The following NCOA6 variants were observed in gnomAD, a reference collection of about 807,000 sequenced individuals.
NCOA6 encodes NRC RAP250.
Under a neutral mutation model 171.4 loss-of-function variants are expected in NCOA6, and 49 were observed. The observed-to-expected ratio is 0.29, with a 90% CI of 0.23 to 0.36. NCOA6 has a LOEUF of 0.36. NCOA6 is among the 10% of genes least tolerant of loss of function. The pLI is 1.00. For synonymous variants in NCOA6, 910 were observed against 927.5 expected (o/e 0.98, Z 0.34); for missense variants, 2,248 against 2,554.5 (o/e 0.88, Z 2.59).
At chr20:34,785,463 A>C (rs1041459963) in intron 2 of NCOA6, among the ~76,000 whole-genome samples, 1 of 151,804 alleles carries the variant, frequency 6.6e-6, no homozygotes, top group East Asian at 1.9e-4. Flanking sequence ...AAAAAAAGAT[A>C]CAACAGCAGT....
chr20:34,753,655 G>A (rs770313205), intron 8 of NCOA6, among the ~76,000 whole-genome samples: 8 of 151,550 alleles, frequency 5.3e-5, no homozygotes, highest in African/African-American at 7.3e-5. Context: ...GCAAGACTCC[G>A]TCTCAAAAAA....
In NCOA6 at chr20:34,758,102, C is replaced by A; in HGVS notation, c.646G>T (p.Ala216Ser). ...AGCCCAGAGAGGAGTGGATCCATTG[C>A]ATCTGTTTAAAGATAGTCAACAAAG... ...RTPRPASQSDAMDPLLSGLHI... is the reference protein window; with the variant it reads ...RTPRPASQSDSMDPLLSGLHI... The change falls in exon 7 of 15, where the codon GCA (alanine) becomes TCA (serine). Residue 216 changes from alanine to serine, a missense_variant and splice_region_variant. Transcript: ENST00000359003. 1 of 1,605,724 alleles carries A rather than the reference C, an allele frequency of 6.2e-7. No homozygotes were observed. The highest frequency in any genetic ancestry group is 8.5e-7 in the Non-Finnish European group (1 of 1,174,498).
chr20:34,816,957 C>T (rs1207062273), intron 1 of NCOA6, among the ~76,000 whole-genome samples: 1 of 151,454 alleles, frequency 6.6e-6, no homozygotes, highest in Non-Finnish European at 1.5e-5. Context: ...CCCATCTCTA[C>T]TAAAACTACA....
intron 1 of NCOA6, among the ~76,000 whole-genome samples, chr20:34,809,051 G>GA (rs2078563857): frequency 6.6e-6 from 1 of 152,132 alleles, no homozygotes; most frequent in African/African-American, 2.4e-5. Context: ...TATGAATTCT[G>GA]AAAATATCAG....
chr20:34,790,142 T>C (rs1016988908), intron 2 of NCOA6, among the ~76,000 whole-genome samples: 2 of 150,230 alleles, frequency 1.3e-5, no homozygotes, highest in South Asian at 2.1e-4. Context: ...TTATTCACAA[T>C]AGCCAAAAAC....
intron 1 of NCOA6, among the ~76,000 whole-genome samples, chr20:34,807,347 G>T (rs765189736): frequency 4.6e-5 from 7 of 152,116 alleles, no homozygotes; most frequent in Non-Finnish European, 1.0e-4. Flanking sequence ...ACTACCTCCT[G>T]TGAGAGACCC....
intron 1 of NCOA6, among the ~76,000 whole-genome samples, chr20:34,807,064 G>A (rs2078476473): frequency 6.6e-6 from 1 of 152,126 alleles, no homozygotes; most frequent in African/African-American, 2.4e-5. Context: ...ACGGACTATG[G>A]AAAATGTGAT....
chr20:34,771,324 G>A (rs1209980324), intron 4 of NCOA6, among the ~76,000 whole-genome samples: 4 of 151,980 alleles, frequency 2.6e-5, no homozygotes, highest in East Asian at 3.9e-4. Flanking sequence ...TGTAGAGACA[G>A]GGTATCACTA....
In NCOA6 at chr20:34,758,041, A is replaced by G. The variant is rs768699976; in HGVS notation, c.707T>C (p.Leu236Ser). The G allele has an allele frequency of 1.2e-6, 2 of 1,614,104 alleles. No homozygotes were observed. Among genetic ancestry groups the G allele is most frequent in the East Asian group, 2.2e-5 (1 of 44,884 alleles). ...CTGCATTGGGTGATGTGGGGGAGCT[A>G]AAGATCCTGAGGGATGACTTTGCTG... ...IQQQSHPSGS[L>S]APPHHPMQPV... The change falls in exon 7 of 15, where the codon TTA (leucine) becomes TCA (serine). Residue 236 changes from leucine (L) to serine (S), a missense_variant. This residue lies in a region of NCOA6 where 987 missense variants were observed against 1,104.7 expected (regional missense o/e 0.89). Coordinates refer to ENST00000359003, the MANE Select transcript of NCOA6 (RefSeq NM_014071.5).
intron 14 of NCOA6, among the ~76,000 whole-genome samples, chr20:34,720,603 C>T (rs2146928872): frequency 6.6e-6 from 1 of 152,322 alleles, no homozygotes; most frequent in Middle Eastern, 3.4e-3. Context: ...TCATGAAAAA[C>T]ACAGAATGTC....
At position 34,743,335 on chromosome 20, in the gene NCOA6, G is replaced by A; in HGVS notation, c.2921C>T (p.Pro974Leu). ...TGGCCTCTGTTCAACTGGTTGAGAAGGATAACCTAAAACAAGCCCCCCAAA... is the reference window on the plus strand; with the variant it reads ...TGGCCTCTGTTCAACTGGTTGAGAAAGATAACCTAAAACAAGCCCCCCAAA... Reference protein sequence around the residue: ...PEFSNRPPGYPSQPVEQRPLQ... With the variant: ...PEFSNRPPGYLSQPVEQRPLQ... Residue 974 changes from proline (P) to leucine (L), a missense_variant, in exon 11 of 15, where the codon CCT becomes CTT. Physicochemically the swap from Pro to Leu is moderately conservative, Grantham distance 98. This residue lies in a region of NCOA6 where 352 missense variants were observed against 419.1 expected (regional missense o/e 0.84). Coordinates refer to ENST00000359003, the MANE Select transcript of NCOA6 (RefSeq NM_014071.5). 6.3e-7 allele frequency: 1 copy of A among 1,597,940 alleles called. No homozygotes were observed. The highest frequency in any genetic ancestry group is 8.6e-7 in the Non-Finnish European group (1 of 1,169,136).
intron 7 of NCOA6, among the ~76,000 whole-genome samples, chr20:34,756,792 A>T (rs1998028): frequency 0.34 from 51,558 of 152,034 alleles, 9,216 homozygotes; most frequent in Middle Eastern, 0.43. Flanking sequence ...ATTAACTAGG[A>T]TTATCAAAAT....
At chr20:34,746,008 T>C (rs1001269479) in intron 10 of NCOA6, among the ~76,000 whole-genome samples, 2 of 152,200 alleles carry the variant, frequency 1.3e-5, no homozygotes, top group Admixed American at 6.5e-5. Context: ...TACATGGGTG[T>C]CTCTTTTATT....
chr20:34,758,219 A>C, intron 6 of NCOA6, 115 bp from the exon 7 acceptor site: 1 of 1,349,226 alleles, frequency 7.4e-7, no homozygotes, highest in Non-Finnish European at 9.9e-7. Context: ...TATTCGATAA[A>C]ATAAATGCTT....
chr20:34,804,691 CTTT>C (rs1298270675), intron 1 of NCOA6, among the ~76,000 whole-genome samples: 1 of 151,506 alleles, frequency 6.6e-6, no homozygotes, highest in African/African-American at 2.4e-5. Context: ...CTTCCGCTTT[CTTT>C]TTCAAAAAAA....
chr20:34,728,894 G>A lies in NCOA6; in HGVS notation c.6000-1487C>T, dbSNP rs75220811. The stretch of plus-strand genomic sequence containing the variant: ...TTCCATTTTCATTGTTGTATGTGTT[G>A]AGTATATATGTAACTACATATGAAT... On this transcript the variant is annotated intron_variant, in intron 13 of 14. Transcript: ENST00000359003. Among the ~76,000 whole-genome samples the A allele has an allele frequency of 2.0e-5, 3 of 152,126 alleles. No homozygotes were observed. In the East Asian group the frequency reaches 5.8e-4, roughly 29 times the overall value.
At chr20:34,724,210 T>G (rs1436454734) in intron 14 of NCOA6, among the ~76,000 whole-genome samples, 3 of 152,180 alleles carry the variant, frequency 2.0e-5, no homozygotes, top group Non-Finnish European at 4.4e-5. Flanking sequence ...CTGACTGTGG[T>G]GTATACACTA....
At chr20:34,778,231 G>C (rs1313391563) in intron 3 of NCOA6, among the ~76,000 whole-genome samples, 1 of 152,064 alleles carries the variant, frequency 6.6e-6, no homozygotes, top group Non-Finnish European at 1.5e-5. Flanking sequence ...CCTTAAAAAG[G>C]AAGGATATCC....
At chr20:34,773,022 TCCCA>T (rs1328200569) in intron 4 of NCOA6, among the ~76,000 whole-genome samples, 1 of 152,106 alleles carries the variant, frequency 6.6e-6, no homozygotes, top group Non-Finnish European at 1.5e-5. Flanking sequence ...CACTACCGGC[TCCCA>T]AACTTGCCAA....
Sources: allele counts gnomAD v4.1 joint callset (sites outside exome capture counted in the v4.1 genomes callset), GRCh38; gene constraint gnomAD v4.1.1; regional missense constraint gnomAD v4.1.1; transcripts MANE v1.5; gene names NCBI Gene and HGNC (gene_info 2026-07-23, HGNC 2026-07-21).